RTN1: variants seen among roughly 807,000 people sequenced by gnomAD.
The protein encoded by RTN1 is reticulon 1, also known as reticulon-1.
A neutral mutation model predicts 65.5 loss-of-function variants in RTN1; 25 were observed. The observed-to-expected ratio is 0.38, with a 90% CI of 0.28 to 0.53. The LOEUF is 0.53. Ranked by LOEUF, RTN1 falls within the 20% of genes least tolerant of loss-of-function variation. The probability of loss-of-function intolerance (pLI) is 0.79; values close to 1 mark genes in which losing one functional copy is unlikely to be tolerated. For missense variants in RTN1, 983 were observed against 1,025.4 expected, an observed-to-expected ratio of 0.96 and a Z score of 0.57; for synonymous variants, 471 against 447.6, an observed-to-expected ratio of 1.05 and a Z score of -0.66.
In RTN1 at chr14:59,727,606, T is replaced by C. The variant is rs765776137; in HGVS notation, c.1078A>G (p.Ile360Val). 11 of 1,612,932 alleles carry C rather than the reference T, an allele frequency of 6.8e-6. No individual in the cohort carries two copies. In the Admixed American group the frequency reaches 1.5e-4, roughly 22 times the overall value. ...TACGATAATCCCTTTGCTTCTTTGA[T>C]GGCGGTGATCAGCTCATCCTCGGAG... ...SISEDELITA[I>V]KEAKGLSYET... Residue 360 changes from isoleucine (I) to valine (V), a missense_variant, in exon 3 of 9, where the codon ATC becomes GTC. By Grantham distance (29) the Ile-to-Val change is conservative. Around this residue, in one of 2 missense-constraint regions of RTN1, gnomAD observed 818 missense variants for 801.8 expected, o/e 1.02. Coordinates refer to ENST00000267484, the MANE Select transcript of RTN1 (RefSeq NM_021136.3). This position sits in a 1 kb window ranked among gnomAD's most constrained non-coding sequence, Gnocchi z 4.2.
intron 8 of RTN1, 27 bp from the exon 9 acceptor site, chr14:59,596,814 A>G (rs1186782894): frequency 6.3e-7 from 1 of 1,583,416 alleles, no homozygotes; most frequent in East Asian, 2.2e-5. Flanking sequence ...AAAAGGTAGT[A>G]AATCACAAGT....
At chr14:59,743,072 A>G (rs1885144927) in intron 2 of RTN1, among the ~76,000 whole-genome samples, 1 of 152,204 alleles carries the variant, frequency 6.6e-6, no homozygotes, top group Non-Finnish European at 1.5e-5. Flanking sequence ...TCTTTCCTGA[A>G]TATGCCTTGC....
At chr14:59,632,911 A>C (rs1456454777) in intron 3 of RTN1, among the ~76,000 whole-genome samples, 1 of 152,088 alleles carries the variant, frequency 6.6e-6, no homozygotes, top group Admixed American at 6.5e-5. Context: ...CCTGGGCAAC[A>C]TGGTGAAACC....
At chr14:59,823,150 T>C (rs1158613494) in intron 1 of RTN1, among the ~76,000 whole-genome samples, 1 of 152,200 alleles carries the variant, frequency 6.6e-6, no homozygotes, top group Non-Finnish European at 1.5e-5. Flanking sequence ...ATTCTCTGCA[T>C]AGATCTCTAA....
chr14:59,771,063 C>A (rs1283379637), intron 1 of RTN1, among the ~76,000 whole-genome samples: 1 of 151,562 alleles, frequency 6.6e-6, no homozygotes, highest in East Asian at 2.0e-4. Context: ...AAAAAAAATT[C>A]TGTAATGGCA....
Position 59,836,403 on chromosome 14 carries a change from GC to G in RTN1, c.241+33986del, listed in dbSNP as rs756933532. Among the ~76,000 whole-genome samples, 1 of 152,162 alleles carries G rather than the reference GC, an allele frequency of 6.6e-6. No homozygotes were observed. The highest frequency in any genetic ancestry group is 1.5e-5 in the Non-Finnish European group (1 of 68,042). On this transcript the variant is annotated intron_variant, in intron 1 of 8. Coordinates refer to ENST00000267484, the MANE Select transcript of RTN1 (RefSeq NM_021136.3). This position sits in a 1 kb window ranked among gnomAD's most constrained non-coding sequence, Gnocchi z 4.9. ...CCATTATAGAGATGAGGACTCTCAG[GC>G]ACAGAGAGATTAAGGAACTCCCCAC...
chr14:59,637,441 C>A (rs188465054), intron 3 of RTN1, among the ~76,000 whole-genome samples: 1 of 152,176 alleles, frequency 6.6e-6, no homozygotes, highest in African/African-American at 2.4e-5. Flanking sequence ...CAGCCAGGCA[C>A]GGTGGCTTAC....
intron 1 of RTN1, among the ~76,000 whole-genome samples, chr14:59,753,726 C>G (rs1443111507): frequency 6.6e-6 from 1 of 152,190 alleles, no homozygotes; most frequent in African/African-American, 2.4e-5. Context: ...GTCAGCACTT[C>G]CTGCAGAGCT....
At chr14:59,819,518 T>G (rs1054253074) in intron 1 of RTN1, among the ~76,000 whole-genome samples, 2 of 145,260 alleles carry the variant, frequency 1.4e-5, no homozygotes, top group African/African-American at 5.1e-5. Flanking sequence ...CCCTCAACTC[T>G]GGAGCCTAGC....
intron 3 of RTN1, among the ~76,000 whole-genome samples, chr14:59,638,618 T>C (rs1882714876): frequency 6.6e-6 from 1 of 152,240 alleles, no homozygotes; most frequent in Non-Finnish European, 1.5e-5. Context: ...GCATTTTTTA[T>C]GTCATGGAGA....
chr14:59,695,716 T>C (rs1430317004), intron 3 of RTN1, among the ~76,000 whole-genome samples: 1 of 152,196 alleles, frequency 6.6e-6, no homozygotes, highest in Non-Finnish European at 1.5e-5. Flanking sequence ...CCATCTCTTT[T>C]ATCTATATAA....
intron 1 of RTN1, among the ~76,000 whole-genome samples, chr14:59,752,493 CG>C (rs893166593): frequency 1.1e-4 from 16 of 151,602 alleles, no homozygotes; most frequent in Admixed American, 1.1e-3. Flanking sequence ...AATTTTGGGG[CG>C]GGGGTGGTGC....
intron 1 of RTN1, among the ~76,000 whole-genome samples, chr14:59,856,183 C>G (rs1438301328): frequency 6.6e-6 from 1 of 151,964 alleles, no homozygotes; most frequent in Non-Finnish European, 1.5e-5. Flanking sequence ...TTCAGAGTCC[C>G]TTTCTATTTA....
At chr14:59,653,032 C>A (rs1412360428) in intron 3 of RTN1, among the ~76,000 whole-genome samples, 7 of 151,678 alleles carry the variant, frequency 4.6e-5, no homozygotes, top group Non-Finnish European at 1.0e-4. Flanking sequence ...GGAAAATGTC[C>A]CAAATTCTAT....
At chr14:59,723,890 T>C (rs1242662197) in intron 3 of RTN1, among the ~76,000 whole-genome samples, 1 of 152,156 alleles carries the variant, frequency 6.6e-6, no homozygotes, top group Admixed American at 6.5e-5. Flanking sequence ...GGTGTCCCCC[T>C]GGAATATGAA....
chr14:59,709,017 GA>G (rs1302028345), intron 3 of RTN1, among the ~76,000 whole-genome samples: 1 of 152,188 alleles, frequency 6.6e-6, no homozygotes, highest in Non-Finnish European at 1.5e-5. Flanking sequence ...ACTGAAGGGG[GA>G]AAAACATTTG....
chr14:59,603,333 TG>T (rs1468413477), intron 6 of RTN1, 75 bp from the exon 7 acceptor site: 40 of 1,109,636 alleles, frequency 3.6e-5, no homozygotes, highest in Non-Finnish European at 4.9e-5. Flanking sequence ...CATTTTTATA[TG>T]GTTATATGAT....
At chr14:59,646,496 C>G (rs1422878562) in intron 3 of RTN1, among the ~76,000 whole-genome samples, 1 of 152,034 alleles carries the variant, frequency 6.6e-6, no homozygotes, top group Non-Finnish European at 1.5e-5. Context: ...ATATCATCAC[C>G]AAGATACACA....
chr14:59,702,848 T>G (rs1884209247), intron 3 of RTN1, among the ~76,000 whole-genome samples: 1 of 152,246 alleles, frequency 6.6e-6, no homozygotes, highest in South Asian at 2.1e-4. Context: ...ATGAGGCCTG[T>G]GGTCTGCCTC....
Sources: gnomAD v4.1 joint callset for allele counts (sites outside exome capture counted in the v4.1 genomes callset) on GRCh38, gnomAD v4.1.1 for gene constraint, gnomAD v4.1.1 regional missense constraint, Gnocchi (gnomAD v3.1) non-coding constraint, MANE v1.5 for transcripts, NCBI Gene and HGNC (gene_info 2026-07-23, HGNC 2026-07-21) for gene names.